Variants in PBX3 observed in about 807,000 individuals in gnomAD.
PBX3 encodes pre-B-cell leukemia transcription factor 3.
In PBX3, 14 loss-of-function variants were observed where a neutral mutation model predicts 48.5. The observed-to-expected ratio is 0.29, with a 90% CI of 0.19 to 0.45. The LOEUF is 0.45. Among genes scored for constraint, PBX3 ranks in the 20% least tolerant of loss-of-function variants. The probability of loss-of-function intolerance (pLI) is 1.00; values close to 1 mark genes in which losing one functional copy is unlikely to be tolerated. For synonymous variants in PBX3, 210 were observed against 200.3 expected (o/e 1.05, Z -0.41); for missense variants, 386 against 546.7 (o/e 0.71, Z 2.93).
chr9:125,900,684 C>T (rs10122835), intron 2 of PBX3, among the ~76,000 whole-genome samples: 1,882 of 151,718 alleles, frequency 0.012, 24 homozygotes, highest in African/African-American at 0.036. Context: ...GTCCTAGTTG[C>T]GTACACTCAT....
At chr9:125,843,637 C>A in intron 2 of PBX3, 2 of 255,514 alleles carry the variant, frequency 7.8e-6, no homozygotes, top group Non-Finnish European at 8.2e-6. Context: ...TGACAACAGT[C>A]CCGAAAGAAT....
intron 2 of PBX3, among the ~76,000 whole-genome samples, chr9:125,794,636 C>T (rs1476312887): frequency 2.0e-5 from 3 of 150,070 alleles, no homozygotes; most frequent in Non-Finnish European, 4.4e-5. Context: ...ATTATAATTA[C>T]TCATGTATGC....
intron 2 of PBX3, among the ~76,000 whole-genome samples, chr9:125,894,759 T>TTA (rs1840730290): frequency 6.6e-6 from 1 of 152,130 alleles, no homozygotes. Flanking sequence ...TTCTGTCTTC[T>TTA]TATAGTGTGC....
At chr9:125,829,295 A>G (rs914423708) in intron 2 of PBX3, among the ~76,000 whole-genome samples, 1 of 152,174 alleles carries the variant, frequency 6.6e-6, no homozygotes, top group African/African-American at 2.4e-5. Flanking sequence ...TTTATTCTCA[A>G]ACTACATCAT....
rs542635824 is a variant in PBX3, at chr9:125,907,825, C to A, written c.275-7861C>A. The stretch of plus-strand genomic sequence containing the variant: ...CTTAAAGAGAGACCCGTGTTTAAAT[C>A]ATTATTTTCCCATTTACTCACCATG... On this transcript the variant is annotated intron_variant, in intron 2 of 8. Transcript: ENST00000373489. Among the ~76,000 whole-genome samples, 46 of 152,218 alleles carry A rather than the reference C, an allele frequency of 3.0e-4. No individual in the cohort carries two copies. In the South Asian group the frequency reaches 9.1e-3, roughly 30 times the overall value.
At chr9:125,793,365 A>AT (rs1564657989) in intron 2 of PBX3, among the ~76,000 whole-genome samples, 1,920 of 95,294 alleles carry the variant, frequency 0.02, 32 homozygotes, top group Non-Finnish European at 0.025. Flanking sequence ...GGGAAAAAAA[A>AT]AATATATATA....
intron 2 of PBX3, among the ~76,000 whole-genome samples, chr9:125,804,043 A>G (rs573034698): frequency 1.3e-5 from 2 of 152,290 alleles, no homozygotes; most frequent in African/African-American, 4.8e-5. Context: ...TTGTGATTTT[A>G]TAGCTTCTTC....
Position 125,858,828 on chromosome 9 carries a change from G to A in PBX3, c.275-56858G>A, listed in dbSNP as rs578076510. On this transcript the variant is annotated intron_variant, in intron 2 of 8. Coordinates refer to ENST00000373489, the MANE Select transcript of PBX3 (RefSeq NM_006195.6). ...TTTAGTAGAGACAGGGTTTCACCACGTTAGCCAGGCTGGTCTTGAACTCCG... is the reference window on the plus strand; with the variant it reads ...TTTAGTAGAGACAGGGTTTCACCACATTAGCCAGGCTGGTCTTGAACTCCG... Among the ~76,000 whole-genome samples the A allele has an allele frequency of 2.9e-4, 44 of 152,146 alleles. 1 individual carries two copies. In the South Asian group the frequency reaches 8.5e-3, roughly 29 times the overall value.
In PBX3 at chr9:125,778,890, T is replaced by C. The variant is rs574300116; in HGVS notation, c.274+30267T>C. On this transcript the variant is annotated intron_variant, in intron 2 of 8. Transcript: ENST00000373489. ...TGCTTCTTTAAAAAATGGTTCTTTT[T>C]GTAGCAAAAGATATACATCACAAAA... Among the ~76,000 whole-genome samples, 6 of 136,926 alleles carry C rather than the reference T, an allele frequency of 4.4e-5. No homozygotes were observed. The South Asian group carries it at 1.5e-3, about 34-fold the overall frequency. 89.8% of individuals were successfully genotyped at this position (136,926 alleles called of 152,430 possible). A position where few individuals can be genotyped will look rare whatever the true frequency, so the allele number is the denominator to read the frequency against.
chr9:125,949,122 C>A (rs1842132973), intron 5 of PBX3, among the ~76,000 whole-genome samples: 1 of 152,158 alleles, frequency 6.6e-6, no homozygotes, highest in East Asian at 1.9e-4. Context: ...GATGACTGTA[C>A]GTTCTGTGTA....
At chr9:125,778,554 G>A (rs1162868048) in intron 2 of PBX3, among the ~76,000 whole-genome samples, 1 of 150,790 alleles carries the variant, frequency 6.6e-6, no homozygotes, top group Non-Finnish European at 1.5e-5. Context: ...ACTGCGCCCG[G>A]CCTTTTTTTT....
intron 2 of PBX3, among the ~76,000 whole-genome samples, chr9:125,826,331 A>G (rs1403728475): frequency 6.6e-6 from 1 of 152,234 alleles, no homozygotes; most frequent in African/African-American, 2.4e-5. Flanking sequence ...CAAATGATAT[A>G]GTAATAACCT....
intron 2 of PBX3, among the ~76,000 whole-genome samples, chr9:125,787,050 A>G (rs1439296738): frequency 6.8e-6 from 1 of 146,924 alleles, no homozygotes; most frequent in Admixed American, 6.8e-5. Context: ...TTTATTTTTT[A>G]TTTTTTCGAG....
chr9:125,838,060 C>CTTTCTTTTG (rs778534235), intron 2 of PBX3, among the ~76,000 whole-genome samples: 55 of 152,084 alleles, frequency 3.6e-4, no homozygotes, highest in Non-Finnish European at 7.8e-4. Flanking sequence ...ACCATCTTTT[C>CTTTCTTTTG]TTTCTTTTGT....
At chr9:125,756,372 T>C (rs1453723544) in intron 2 of PBX3, among the ~76,000 whole-genome samples, 1 of 152,140 alleles carries the variant, frequency 6.6e-6, no homozygotes, top group Non-Finnish European at 1.5e-5. Flanking sequence ...GAATGAATAC[T>C]AGGATTGCTG....
chr9:125,958,563 T>C (rs1038109879), intron 5 of PBX3, among the ~76,000 whole-genome samples: 1 of 152,088 alleles, frequency 6.6e-6, no homozygotes, highest in African/African-American at 2.4e-5. Flanking sequence ...ATATACCCAT[T>C]AGGACTATCC....
chr9:125,910,299 A>G (rs376205171), intron 2 of PBX3, among the ~76,000 whole-genome samples: 68 of 152,222 alleles, frequency 4.5e-4, no homozygotes, highest in African/African-American at 1.6e-3. Flanking sequence ...TCAGGGCCCT[A>G]ACAGGATTAC....
At chr9:125,802,356 T>A (rs1310018165) in intron 2 of PBX3, among the ~76,000 whole-genome samples, 1 of 101,156 alleles carries the variant, frequency 9.9e-6, no homozygotes, top group Admixed American at 1.4e-4. Flanking sequence ...AGAACATTAG[T>A]GCATTTTTTT....
chr9:125,776,420 ATGT>A (rs1443670594), intron 2 of PBX3, among the ~76,000 whole-genome samples: 3 of 152,274 alleles, frequency 2.0e-5, no homozygotes, highest in Non-Finnish European at 2.9e-5. Flanking sequence ...TCCTTTAAAA[ATGT>A]TGTTGGATTT....
Sources: gnomAD v4.1 joint callset for allele counts (sites outside exome capture counted in the v4.1 genomes callset) on GRCh38, gnomAD v4.1.1 for gene constraint, MANE v1.5 for transcripts, NCBI Gene and HGNC (gene_info 2026-07-23, HGNC 2026-07-21) for gene names.